Variants in TMEM131L observed in about 807,000 individuals in gnomAD.
TMEM131L encodes transmembrane protein 131-like.
Under a neutral mutation model 192.2 loss-of-function variants are expected in TMEM131L, and 54 were observed. The ratio of observed to expected loss-of-function variants is 0.28; its 90% CI spans 0.23 to 0.35. The LOEUF is 0.35. Ranked by LOEUF, TMEM131L falls within the 10% of genes least tolerant of loss-of-function variation. The pLI is 1.00. For synonymous variants in TMEM131L, 701 were observed against 704.9 expected, an observed-to-expected ratio of 0.99 and a Z score of 0.09; for missense variants, 1,888 against 1,972.9, an observed-to-expected ratio of 0.96 and a Z score of 0.82.
At chr4:153,549,738 T>C (rs1737466340) in intron 3 of TMEM131L, among the ~76,000 whole-genome samples, 1 of 152,232 alleles carries the variant, frequency 6.6e-6, no homozygotes, top group South Asian at 2.1e-4. Flanking sequence ...TACTTGTATA[T>C]CATTTCCTGA....
chr4:153,475,825 T>C (rs1731492670), intron 3 of TMEM131L, among the ~76,000 whole-genome samples: 1 of 152,232 alleles, frequency 6.6e-6, no homozygotes, highest in African/African-American at 2.4e-5. Context: ...TACAGGAGGA[T>C]GTGCATAGGT....
rs908514371 is a variant in TMEM131L, at chr4:153,592,335, G to A, written c.1813-140G>A. ...GACATAGACATTTTTGAAGCGTGCT[G>A]GCCATTTATTTCCTATGATGTTTCT... On this transcript the variant is annotated intron_variant, in intron 17 of 34. Coordinates refer to ENST00000409959, the MANE Select transcript of TMEM131L (RefSeq NM_001131007.2). The A allele has an allele frequency of 2.4e-5, 15 of 629,546 alleles. No homozygotes were observed. In the African/African-American group the frequency reaches 2.8e-4, roughly 12 times the overall value. 39.0% of individuals were successfully genotyped at this position (629,546 alleles called of 1,614,324 possible). A position where few individuals can be genotyped will look rare whatever the true frequency, so the allele number is the denominator to read the frequency against.
At chr4:153,613,801 G>A (rs1732790514) in intron 26 of TMEM131L, among the ~76,000 whole-genome samples, 5 of 152,002 alleles carry the variant, frequency 3.3e-5, no homozygotes. Flanking sequence ...TCTGAGTGGT[G>A]GGATTTTGGA....
chr4:153,630,301 C>T (rs553405796), intron 31 of TMEM131L, among the ~76,000 whole-genome samples: 2 of 152,210 alleles, frequency 1.3e-5, no homozygotes, highest in East Asian at 1.9e-4. Context: ...CAGGAGCCTA[C>T]GCAGCAGGAT....
chr4:153,480,295 C>T (rs1343103907), intron 3 of TMEM131L, among the ~76,000 whole-genome samples: 14 of 152,082 alleles, frequency 9.2e-5, no homozygotes, highest in African/African-American at 2.9e-4. Context: ...GCCGAGATCG[C>T]GCCACTGCAC....
intron 3 of TMEM131L, among the ~76,000 whole-genome samples, chr4:153,487,517 A>G (rs1732423275): frequency 1.3e-5 from 2 of 151,880 alleles, no homozygotes; most frequent in Admixed American, 1.3e-4. Flanking sequence ...CCAGGGGAGG[A>G]CTGAGGAACC....
chr4:153,622,996 C>A lies in TMEM131L; in HGVS notation c.3958C>A (p.Arg1320=). 1.2e-6 allele frequency: 2 copies of A among 1,614,148 alleles called. No homozygotes were observed. The highest frequency in any genetic ancestry group is 1.1e-5 in the South Asian group (1 of 91,084). The change falls in exon 29 of 35, where the codon CGG becomes AGG. Residue 1320 remains arginine, a synonymous_variant. Transcript: ENST00000409959. ...CTCCTCTGGCAGCGTGCGTGCCAGC[C>A]GGGGCAGCTGGGGGAGCTGGAGCAG... ...GSSSGSVRAS[R]GSWGSWSSTS... is the part of the protein sequence containing the mutation.
intron 24 of TMEM131L, 101 bp from the exon 25 acceptor site, chr4:153,603,697 TACAC>T: frequency 1.6e-6 from 2 of 1,285,236 alleles, no homozygotes; most frequent in East Asian, 4.7e-5. Flanking sequence ...AGGTAAAACT[TACAC>T]TCAGTACTGA....
At chr4:153,484,664 T>C (rs1732187760) in intron 3 of TMEM131L, among the ~76,000 whole-genome samples, 1 of 144,716 alleles carries the variant, frequency 6.9e-6, no homozygotes, top group Non-Finnish European at 1.5e-5. Context: ...GAGACGGGGT[T>C]TCACCATGTT....
intron 7 of TMEM131L, among the ~76,000 whole-genome samples, chr4:153,572,399 C>T (rs1044991812): frequency 3.9e-5 from 6 of 152,106 alleles, no homozygotes; most frequent in Non-Finnish European, 5.9e-5. Context: ...GGCGTGATCT[C>T]GGCTCACTGC....
In TMEM131L at chr4:153,585,489, T is replaced by G. The variant is rs757761062; in HGVS notation, c.1189T>G (p.Phe397Val). ...YFRMDSSATQ[F>V]HIETHENTSG... ...TAGAATGGACTCTTCTGCAACCCAG[T>G]TTCACATAGAGACTCATGAGAACAC... Residue 397 changes from phenylalanine to valine, a missense_variant, in exon 13 of 35, where the codon TTT (phenylalanine) becomes GTT (valine). Coordinates refer to ENST00000409959, the MANE Select transcript of TMEM131L (RefSeq NM_001131007.2). The G allele has an allele frequency of 2.7e-5, 43 of 1,613,990 alleles. No individual in the cohort carries two copies. In the East Asian group the frequency reaches 6.5e-4, roughly 24 times the overall value.
intron 3 of TMEM131L, among the ~76,000 whole-genome samples, chr4:153,500,783 A>G (rs1733547820): frequency 6.6e-6 from 1 of 152,196 alleles, no homozygotes; most frequent in Non-Finnish European, 1.5e-5. Context: ...TATTGAGACC[A>G]AAGAAACACA....
chr4:153,603,210 C>T (rs767243433), intron 23 of TMEM131L, 93 bp from the exon 24 acceptor site: 77 of 1,069,672 alleles, frequency 7.2e-5, no homozygotes, highest in South Asian at 2.5e-4. Context: ...AGATGTTTTT[C>T]GTAAATCATT....
intron 33 of TMEM131L, among the ~76,000 whole-genome samples, chr4:153,635,224 C>G (rs964209796): frequency 6.6e-6 from 1 of 152,176 alleles, no homozygotes; most frequent in Non-Finnish European, 1.5e-5. Context: ...AGACCTTCCA[C>G]ATTGAGGGCT....
At chr4:153,506,872 A>G (rs931350570) in intron 3 of TMEM131L, among the ~76,000 whole-genome samples, 84 of 152,056 alleles carry the variant, frequency 5.5e-4, no homozygotes, top group African/African-American at 2.0e-3. Context: ...GAAGAAAGAA[A>G]AAAAGAGTAT....
At chr4:153,525,685 T>C (rs28705911) in intron 3 of TMEM131L, among the ~76,000 whole-genome samples, 44,018 of 151,912 alleles carry the variant, frequency 0.29, 6,651 homozygotes, top group African/African-American at 0.37. Context: ...TCTTGCTGCC[T>C]AAGTCTAACT....
chr4:153,469,881 G>A (rs561170067), intron 2 of TMEM131L, among the ~76,000 whole-genome samples: 9 of 152,200 alleles, frequency 5.9e-5, no homozygotes, highest in African/African-American at 1.4e-4. Context: ...AGCTGAGATC[G>A]CGCTGAAGCA....
intron 3 of TMEM131L, among the ~76,000 whole-genome samples, chr4:153,546,383 CATT>C (rs962134574): frequency 2.0e-5 from 3 of 151,992 alleles, no homozygotes; most frequent in Non-Finnish European, 4.4e-5. Flanking sequence ...ATACATGAAT[CATT>C]ATTATTAAGG....
chr4:153,593,969 C>T, intron 19 of TMEM131L, 98 bp downstream of exon 19: 1 of 765,744 alleles, frequency 1.3e-6, no homozygotes, highest in Non-Finnish European at 2.2e-6. Flanking sequence ...CTTTTATTTA[C>T]TATATATGGC....
Sources: allele counts gnomAD v4.1 joint callset (sites outside exome capture counted in the v4.1 genomes callset), GRCh38; gene constraint gnomAD v4.1.1; transcripts MANE v1.5; gene names NCBI Gene and HGNC (gene_info 2026-07-23, HGNC 2026-07-21).